Variants in MXRA5 observed in about 807,000 individuals in gnomAD.
The protein encoded by MXRA5 is matrix remodeling associated 5.
Under a neutral mutation model 112.5 loss-of-function variants are expected in MXRA5, and 41 were observed. That is an observed-to-expected ratio of 0.36 (90% CI 0.28 to 0.47). The LOEUF is 0.47. Ranked by LOEUF, MXRA5 falls within the 20% of genes least tolerant of loss-of-function variation. The pLI is 0.99. For missense variants in MXRA5, 2,150 were observed against 2,251.0 expected, an observed-to-expected ratio of 0.96 and a Z score of 0.91; for synonymous variants, 862 against 900.8, an observed-to-expected ratio of 0.96 and a Z score of 0.77.
In MXRA5 at chrX:3,311,184, T is replaced by TTGACTC; in HGVS notation, c.7013_7018dup (p.Arg2338_Val2339dup). On this transcript the variant is annotated inframe_insertion, in exon 7 of 7. Transcript: ENST00000217939. ...GATGGTGGCGGGCGCTGTCACCACC[T>TTGACTC]TGACTCTGACTCTCATCTCGTCCTT... The TTGACTC allele has an allele frequency of 8.3e-7, 1 of 1,211,857 alleles. No individual in the cohort carries two copies. The highest frequency in any genetic ancestry group is 1.1e-6 in the Non-Finnish European group (1 of 895,562).
At chrX:3,325,050 A>T in intron 4 of MXRA5, 75 bp from the exon 5 acceptor site, 1 of 1,051,123 alleles carries the variant, frequency 9.5e-7, no homozygotes, top group Non-Finnish European at 1.2e-6. Context: ...CCAGAGGATA[A>T]AGCCTATGTT....
At chrX:3,334,946 G>A (rs1420124412) in intron 2 of MXRA5, among the ~76,000 whole-genome samples, 1 of 111,526 alleles carries the variant, frequency 9.0e-6, no homozygotes, top group Non-Finnish European at 1.9e-5. Flanking sequence ...TCCCGCCTCA[G>A]TTAATCGTCC....
In MXRA5 at chrX:3,330,698, G is replaced by C. The variant is rs1390273423; in HGVS notation, c.264C>G (p.Gly88=). ...CATCGGGGATGCTTGGGATCTCATTGCCGTGAATCATAAGTAGCTCCAACT... is the reference window on the plus strand; with the variant it reads ...CATCGGGGATGCTTGGGATCTCATTCCCGTGAATCATAAGTAGCTCCAACT... ...LTKLELLMIH[G]NEIPSIPDGA... Residue 88 remains glycine, a synonymous_variant, in exon 3 of 7, where the codon GGC becomes GGG. Coordinates refer to ENST00000217939, the MANE Select transcript of MXRA5 (RefSeq NM_015419.4). 8.3e-7 allele frequency: 1 copy of C among 1,209,900 alleles called. No homozygotes were observed. The highest frequency in any genetic ancestry group is 1.1e-6 in the Non-Finnish European group (1 of 894,396).
Position 3,322,329 on chromosome X carries a change from G to T in MXRA5, c.3356C>A (p.Thr1119Asn). Reference protein sequence around the residue: ...VKKPAETTVGTLLDKDTTTAT... With the variant: ...VKKPAETTVGNLLDKDTTTAT... The stretch of plus-strand genomic sequence containing the variant: ...TGTTGTGGTGTCTTTGTCTAGGAGG[G>T]TACCAACTGTGGTTTCCGCAGGCTT... The change falls in exon 5 of 7, where the codon ACC becomes AAC. Residue 1119 changes from threonine (T) to asparagine (N), a missense_variant. Coordinates refer to ENST00000217939, the MANE Select transcript of MXRA5 (RefSeq NM_015419.4). 2 of 1,211,340 alleles carry T rather than the reference G, an allele frequency of 1.7e-6. No homozygotes were observed. The highest frequency in any genetic ancestry group is 2.2e-6 in the Non-Finnish European group (2 of 895,484).
In MXRA5 at chrX:3,322,649, G is replaced by A. The variant is rs780049514; in HGVS notation, c.3036C>T (p.Ser1012=). 8.3e-7 allele frequency: 1 copy of A among 1,211,526 alleles called. No homozygotes were observed. The stretch of plus-strand genomic sequence containing the variant: ...AATCCTCAAATAACTGTGATGTACT[G>A]GAGTCATTAACCCAGATGGTGGGGG... ...TPTPTIWVND[S]STSQLFEDST... The change falls in exon 5 of 7, where the codon TCC becomes TCT. Residue 1012 remains serine, a synonymous_variant. Transcript: ENST00000217939.
chrX:3,345,481 C>T (rs1305573461), intron 1 of MXRA5, among the ~76,000 whole-genome samples: 1 of 113,064 alleles, frequency 8.8e-6, no homozygotes, highest in African/African-American at 3.2e-5. Context: ...GCGTCCTGTG[C>T]CTGCGGGCGG....
rs761147162 is a variant in MXRA5, at chrX:3,323,933, T to C, written c.1752A>G (p.Thr584=). 2.5e-6 allele frequency: 3 copies of C among 1,206,689 alleles called. No individual in the cohort carries two copies. The highest frequency in any genetic ancestry group is 3.4e-6 in the Non-Finnish European group (3 of 892,661). Residue 584 remains threonine (T), a synonymous_variant, in exon 5 of 7, where the codon ACA becomes ACG. Transcript: ENST00000217939. ...CCCCTGGGTTCTTGCCAATTGTCAC[T>C]GTGTCTTTCTCGGCTGGCTGAGTGG... ...SPSTQPAEKD[T]VTIGKNPGES... is the part of the protein sequence containing the mutation.
In MXRA5 at chrX:3,317,196, C is replaced by G. The variant is rs1921161851; in HGVS notation, c.6485G>C (p.Gly2162Ala). 8.3e-7 allele frequency: 1 copy of G among 1,209,296 alleles called. No homozygotes were observed. The highest frequency in any genetic ancestry group is 1.7e-5 in the African/African-American group (1 of 57,487). The change falls in exon 6 of 7, where the codon GGA (glycine) becomes GCA (alanine). Residue 2162 changes from glycine to alanine, a missense_variant. Around this residue, in one of 6 missense-constraint regions of MXRA5, gnomAD observed 1,485 missense variants for 1,471.6 expected, o/e 1.01. Transcript: ENST00000217939. ...GGCGCTGCAGTCCAGCTTGAGGGTTCCTCCGTACCTGACGTCCGTCCTCCG... is the reference window on the plus strand; with the variant it reads ...GGCGCTGCAGTCCAGCTTGAGGGTTGCTCCGTACCTGACGTCCGTCCTCCG... ...SPRRTDVRYG[G>A]TLKLDCSASG...
At chrX:3,341,020 A>T (rs1603468278) in intron 2 of MXRA5, among the ~76,000 whole-genome samples, 1 of 81,347 alleles carries the variant, frequency 1.2e-5, no homozygotes, top group East Asian at 3.6e-4. Flanking sequence ...TATACATGAT[A>T]TATATAATGT....
chrX:3,311,204 G>A lies in MXRA5; in HGVS notation c.6999C>T (p.Asp2333=), dbSNP rs757304562. The A allele has an allele frequency of 4.1e-6, 5 of 1,211,519 alleles. No homozygotes were observed. Among genetic ancestry groups the A allele is most frequent in the South Asian group, 1.8e-5 (1 of 56,953 alleles). Reference sequence around the variant, plus strand: ...CCACCTTGACTCTGACTCTCATCTCGTCCTTCCCGACCTGATTTTCAGCAA... The same window carrying A: ...CCACCTTGACTCTGACTCTCATCTCATCCTTCCCGACCTGATTTTCAGCAA... ...TCFAENQVGK[D]EMRVRVKVVT... Residue 2333 remains aspartate (D), a synonymous_variant, in exon 7 of 7, where the codon GAC becomes GAT. Transcript: ENST00000217939.
intron 6 of MXRA5, among the ~76,000 whole-genome samples, chrX:3,312,563 T>TC (rs1248619971): frequency 9.4e-6 from 1 of 106,927 alleles, no homozygotes; most frequent in African/African-American, 3.4e-5. Context: ...ACACTTTCTT[T>TC]TTTTTTTTTT....
chrX:3,316,682 A>G (rs1921144813), intron 6 of MXRA5, among the ~76,000 whole-genome samples: 1 of 107,805 alleles, frequency 9.3e-6, no homozygotes, highest in Non-Finnish European at 1.9e-5. Flanking sequence ...TGAATTTATT[A>G]TTATTATTAT....
rs748098750 is a variant in MXRA5 at position 3,309,437 on chromosome X, A to C, written c.*279T>G. ...GGCAGTCGAGTGGCATTTGCAAAAA[A>C]AGAAAAATTGCAGTCAGAGCACAGA... On this transcript the variant is annotated 3_prime_UTR_variant, in exon 7 of 7. Transcript: ENST00000217939. The C allele has an allele frequency of 3.0e-5, 10 of 337,345 alleles. No individual in the cohort carries two copies. The Admixed American group carries it at 3.7e-4, about 13-fold the overall frequency. 27.8% of individuals were successfully genotyped at this position (337,345 alleles called of 1,213,427 possible). A position where few individuals can be genotyped will look rare whatever the true frequency, so the allele number is the denominator to read the frequency against.
At position 3,320,163 on chromosome X, in the gene MXRA5, G is replaced by A; in HGVS notation, c.5522C>T (p.Pro1841Leu). The change falls in exon 5 of 7, where the codon CCT becomes CTT. Residue 1841 changes from proline to leucine, a missense_variant. Coordinates refer to ENST00000217939, the MANE Select transcript of MXRA5 (RefSeq NM_015419.4). ...AAGAGACCAGAATTTGGATGCAGGA[G>A]GTCCTCCTGCAAAGAACTTTGAGCT... is the stretch of plus-strand genomic sequence containing the variant. ...QSSSKFFAGGPPASKFWSLGE... is the reference protein window; with the variant it reads ...QSSSKFFAGGLPASKFWSLGE... 8.3e-7 allele frequency: 1 copy of A among 1,211,149 alleles called. No homozygotes were observed. Among genetic ancestry groups the A allele is most frequent in the Admixed American group, 2.2e-5 (1 of 46,012 alleles).
chrX:3,315,401 AT>A (rs1921086698), intron 6 of MXRA5, among the ~76,000 whole-genome samples: 3 of 78,132 alleles, frequency 3.8e-5, no homozygotes, highest in African/African-American at 1.5e-4. Flanking sequence ...TGATAGATAG[AT>A]AGATAGATAG....
At chrX:3,339,893 G>A (rs1176867947) in intron 2 of MXRA5, among the ~76,000 whole-genome samples, 1 of 111,984 alleles carries the variant, frequency 8.9e-6, no homozygotes, top group Admixed American at 9.5e-5. Context: ...ATCACTGAAT[G>A]TATAACCAAC....
At position 3,330,198 on chromosome X, in the gene MXRA5, A is replaced by C; in HGVS notation, c.529T>G (p.Leu177Val). 5 of 1,209,830 alleles carry C rather than the reference A, an allele frequency of 4.1e-6. No individual in the cohort carries two copies. In the Admixed American group the frequency reaches 1.1e-4, roughly 26 times the overall value. Residue 177 changes from leucine (L) to valine (V), a missense_variant, in exon 4 of 7, where the codon TTG becomes GTG. By Grantham distance (32) the Leu-to-Val change is conservative. Transcript: ENST00000217939. ...ATGGTGGAGAGTCTGAAATAATCCA[A>C]AAATGTGAACGTGGAGAAGGTGCTG... is the stretch of plus-strand genomic sequence containing the variant. ...HPSTFSTFTF[L>V]DYFRLSTIRH...
chrX:3,328,029 G>A (rs936039249), intron 4 of MXRA5, among the ~76,000 whole-genome samples: 2 of 112,423 alleles, frequency 1.8e-5, no homozygotes, highest in Admixed American at 9.4e-5. Flanking sequence ...ATATAGTGTT[G>A]CTGCTACAAA....
chrX:3,341,959 G>A (rs1163614230), intron 2 of MXRA5, among the ~76,000 whole-genome samples: 3 of 108,824 alleles, frequency 2.8e-5, no homozygotes, highest in East Asian at 2.8e-4. Context: ...AATATCACAC[G>A]CACCTTCCCC....
Sources: gnomAD v4.1 joint callset for allele counts (sites outside exome capture counted in the v4.1 genomes callset) on GRCh38, gnomAD v4.1.1 for gene constraint, gnomAD v4.1.1 regional missense constraint, MANE v1.5 for transcripts, NCBI Gene and HGNC (gene_info 2026-07-23, HGNC 2026-07-21) for gene names.